ZNF292: variants seen among roughly 807,000 people sequenced by gnomAD.
ZNF292 encodes 16 zinc-finger domain protein.
A neutral mutation model predicts 217.9 loss-of-function variants in ZNF292; 26 were observed. The ratio of observed to expected loss-of-function variants is 0.12; its 90% CI spans 0.09 to 0.17. The LOEUF is 0.17. ZNF292 is among the 10% of genes least tolerant of loss of function. ZNF292 has a pLI of 1.00. For synonymous variants in ZNF292, 1,257 were observed against 1,124.1 expected, an observed-to-expected ratio of 1.12 and a Z score of -2.37; for missense variants, 2,904 against 3,175.2, an observed-to-expected ratio of 0.91 and a Z score of 2.05.
At chr6:87,160,513 G>GTGTGTGTGTGTATA (rs377563820) in intron 1 of ZNF292, among the ~76,000 whole-genome samples, 1 of 148,568 alleles carries the variant, frequency 6.7e-6, no homozygotes, top group Non-Finnish European at 1.5e-5. Context: ...GTGTGTGTGT[G>GTGTGTGTGTGTATA]TATATATATG....
chr6:87,186,861 C>G (rs998024760), intron 1 of ZNF292, among the ~76,000 whole-genome samples: 2 of 152,180 alleles, frequency 1.3e-5, no homozygotes, highest in Non-Finnish European at 1.5e-5. Context: ...ATAGTTGTTC[C>G]TGTATTCCAG....
intron 5 of ZNF292, among the ~76,000 whole-genome samples, chr6:87,239,230 G>T (rs1044339321): frequency 2.6e-5 from 4 of 151,644 alleles, no homozygotes; most frequent in African/African-American, 9.7e-5. Flanking sequence ...CGGGCAGAGG[G>T]GCTCCTCAAT....
chr6:87,158,015 T>A (rs1327688197), intron 1 of ZNF292, among the ~76,000 whole-genome samples: 1 of 152,172 alleles, frequency 6.6e-6, no homozygotes, highest in Non-Finnish European at 1.5e-5. Flanking sequence ...CCCGCCAGAC[T>A]TGAGTTTTTT....
intron 5 of ZNF292, among the ~76,000 whole-genome samples, chr6:87,242,128 C>G (rs1774322575): frequency 6.6e-6 from 1 of 151,990 alleles, no homozygotes; most frequent in Non-Finnish European, 1.5e-5. Flanking sequence ...ATTTTTAAAT[C>G]TTTACTTTAT....
At chr6:87,250,187 C>T (rs1409502888) in intron 7 of ZNF292, among the ~76,000 whole-genome samples, 1 of 151,914 alleles carries the variant, frequency 6.6e-6, no homozygotes, top group African/African-American at 2.4e-5. Flanking sequence ...TGTGATGGCT[C>T]ACCTGTAATC....
chr6:87,214,015 A>G (rs538854039), intron 1 of ZNF292: 1 of 152,368 alleles, frequency 6.6e-6, no homozygotes, highest in Non-Finnish European at 1.5e-5. Context: ...CTTCTTCAGC[A>G]TGTCAAAGTG....
At chr6:87,216,454 T>C in intron 3 of ZNF292, 77 bp downstream of exon 3, 2 of 1,085,222 alleles carry the variant, frequency 1.8e-6, no homozygotes, top group Non-Finnish European at 2.7e-6. Flanking sequence ...AATTATTCAG[T>C]TAAACTTTAA....
intron 1 of ZNF292, among the ~76,000 whole-genome samples, chr6:87,177,752 A>T (rs1771348752): frequency 6.6e-6 from 1 of 152,226 alleles, no homozygotes; most frequent in Non-Finnish European, 1.5e-5. Context: ...TTTAATGAGG[A>T]TAATAGTCAT....
chr6:87,172,972 C>A (rs1771154637), intron 1 of ZNF292, among the ~76,000 whole-genome samples: 1 of 151,328 alleles, frequency 6.6e-6, no homozygotes, highest in Non-Finnish European at 1.5e-5. Flanking sequence ...AAATCTGTTT[C>A]AAATAAAATT....
At chr6:87,167,311 A>G (rs754873248) in intron 1 of ZNF292, among the ~76,000 whole-genome samples, 1 of 152,176 alleles carries the variant, frequency 6.6e-6, no homozygotes, top group Non-Finnish European at 1.5e-5. Flanking sequence ...CCCTCAATAC[A>G]TTTTGTTTTC....
At chr6:87,178,660 C>T (rs1301462014) in intron 1 of ZNF292, among the ~76,000 whole-genome samples, 1 of 152,068 alleles carries the variant, frequency 6.6e-6, no homozygotes, top group Non-Finnish European at 1.5e-5. Context: ...GGTTACTATC[C>T]CTGTTTATTT....
chr6:87,212,647 T>C (rs989248719), intron 1 of ZNF292, among the ~76,000 whole-genome samples: 1 of 152,220 alleles, frequency 6.6e-6, no homozygotes, highest in Admixed American at 6.5e-5. Flanking sequence ...CAAAGACTGG[T>C]CATGAATCTT....
intron 1 of ZNF292, among the ~76,000 whole-genome samples, chr6:87,188,213 G>T (rs1292562345): frequency 5.3e-5 from 8 of 152,116 alleles, no homozygotes; most frequent in Admixed American, 4.6e-4. Context: ...TTCTACCGTG[G>T]TCTCTGTGCT....
intron 1 of ZNF292, among the ~76,000 whole-genome samples, chr6:87,188,522 A>G (rs1771730039): frequency 6.6e-6 from 1 of 152,116 alleles, no homozygotes; most frequent in South Asian, 2.1e-4. Context: ...TATATATCCA[A>G]GAGTGATTTT....
In ZNF292 at chr6:87,160,513, G is replaced by GTGTATA. The variant is rs377563820; in HGVS notation, c.168+4755_168+4756insGTATAT. On this transcript the variant is annotated intron_variant, in intron 1 of 7. Coordinates refer to ENST00000369577, the MANE Select transcript of ZNF292 (RefSeq NM_015021.3). Reference sequence around the variant, plus strand: ...TATATGTGTGTGTGTGTGTGTGTGTGTATATATATGCAAGGACCTAGGTTT... The same window carrying GTGTATA: ...TATATGTGTGTGTGTGTGTGTGTGTGTGTATATATATATATGCAAGGACCTAGGTTT... 2.5e-3 allele frequency among the ~76,000 whole-genome samples: 374 copies of GTGTATA among 148,670 alleles called. 3 individuals carry two copies. The highest frequency in any genetic ancestry group is 0.017 in the Middle Eastern group (5 of 288).
In ZNF292 at chr6:87,261,316, A is replaced by G; in HGVS notation, c.7687A>G (p.Lys2563Glu). ...AGCAGCTGAGTTAAGTAGCGTGCGT[A>G]AAGAAGAAGAAACTGCTGTTGCCAT... The part of the protein sequence containing the change: ...ASAAELSSVR[K>E]EEETAVAIQT... The change falls in exon 8 of 8, where the codon AAA (lysine) becomes GAA (glutamate). Residue 2563 changes from lysine to glutamate, a missense_variant. Transcript: ENST00000369577. 1 of 1,613,496 alleles carries G rather than the reference A, an allele frequency of 6.2e-7. No individual in the cohort carries two copies. Among genetic ancestry groups the G allele is most frequent in the Non-Finnish European group, 8.5e-7 (1 of 1,179,664 alleles).
At chr6:87,254,253 AT>A (rs1775085639) in intron 7 of ZNF292, among the ~76,000 whole-genome samples, 1 of 152,230 alleles carries the variant, frequency 6.6e-6, no homozygotes, top group Non-Finnish European at 1.5e-5. Context: ...TTTATTGATC[AT>A]TTACTATGTG....
chr6:87,167,745 C>T (rs1188393694), intron 1 of ZNF292, among the ~76,000 whole-genome samples: 2 of 152,132 alleles, frequency 1.3e-5, no homozygotes, highest in African/African-American at 2.4e-5. Context: ...TTGAGGAGAG[C>T]TATGTTTGTC....
At chr6:87,201,839 G>C (rs1448172975) in intron 1 of ZNF292, among the ~76,000 whole-genome samples, 3 of 152,198 alleles carry the variant, frequency 2.0e-5, no homozygotes, top group Admixed American at 6.5e-5. Context: ...TTATGGAATA[G>C]TCTGTACTTT....
Sources: gnomAD v4.1 joint callset for allele counts (sites outside exome capture counted in the v4.1 genomes callset) on GRCh38, gnomAD v4.1.1 for gene constraint, MANE v1.5 for transcripts, NCBI Gene and HGNC (gene_info 2026-07-23, HGNC 2026-07-21) for gene names.